The following C3orf85 variants were observed in gnomAD, a reference collection of about 807,000 sequenced individuals.
The protein encoded by C3orf85 is chromosome 3 open reading frame 85.
A neutral mutation model predicts 1.7 loss-of-function variants in C3orf85; 1 was observed. That is an observed-to-expected ratio of 0.60 (90% CI 0.21 to 2.86). The LOEUF is 2.86. Ranked by LOEUF, C3orf85 falls within the 30% of genes most tolerant of loss-of-function variation. The pLI, the probability that C3orf85 is intolerant of heterozygous loss-of-function variation, is 0.22. For synonymous variants in C3orf85, 17 were observed against 8.0 expected (o/e 2.13, Z -1.90); for missense variants, 29 against 21.3 (o/e 1.36, Z -0.72).
intron 2 of C3orf85, among the ~76,000 whole-genome samples, chr3:109,137,637 GTATATATATA>G (rs1553767249): frequency 2.1e-4 from 17 of 79,906 alleles, no homozygotes; most frequent in Admixed American, 7.3e-4. Context: ...GTGTGTGTGT[GTATATATATA>G]TATATATATA....
chr3:109,139,414 A>C lies in C3orf85; in HGVS notation c.49+2518A>C, dbSNP rs1426627983. On this transcript the variant is annotated intron_variant, in intron 2 of 3. Transcript: ENST00000622536. ...CCAATGACTTTCAGTGACAGTTCCT[A>C]GTTGTACTAATGGTGAAGAGTAGCA... Among the ~76,000 whole-genome samples the C allele has an allele frequency of 2.0e-5, 3 of 152,230 alleles. No individual in the cohort carries two copies. The East Asian group carries it at 5.8e-4, about 29-fold the overall frequency.
At chr3:109,146,891 T>C (rs1706804764) in intron 2 of C3orf85, among the ~76,000 whole-genome samples, 1 of 152,176 alleles carries the variant, frequency 6.6e-6, no homozygotes. Context: ...TTCCACAAAC[T>C]TGCTGGTTGG....
intron 2 of C3orf85, among the ~76,000 whole-genome samples, chr3:109,140,830 T>G (rs866047545): frequency 1.3e-5 from 2 of 152,336 alleles, no homozygotes; most frequent in Non-Finnish European, 2.9e-5. Flanking sequence ...AGAACAGATT[T>G]AAGTTAAACC....
intron 2 of C3orf85, among the ~76,000 whole-genome samples, chr3:109,137,637 G>GTGTGTGTATATATATATATA (rs751674362): frequency 6.9e-4 from 55 of 79,892 alleles, no homozygotes; most frequent in East Asian, 1.3e-3. Flanking sequence ...GTGTGTGTGT[G>GTGTGTGTATATATATATATA]TATATATATA....
intron 2 of C3orf85, among the ~76,000 whole-genome samples, chr3:109,144,856 C>A (rs1202513974): frequency 6.6e-6 from 1 of 151,994 alleles, no homozygotes; most frequent in African/African-American, 2.4e-5. Context: ...TTTTGCACAG[C>A]CACTAATTTT....
intron 2 of C3orf85, among the ~76,000 whole-genome samples, chr3:109,141,349 C>T (rs1706741860): frequency 6.6e-6 from 1 of 152,180 alleles, no homozygotes; most frequent in South Asian, 2.1e-4. Context: ...CAGCACCCCT[C>T]TCCATTTTTT....
intron 2 of C3orf85, among the ~76,000 whole-genome samples, chr3:109,137,633 G>A (rs1478419756): frequency 9.5e-5 from 5 of 52,458 alleles, no homozygotes; most frequent in African/African-American, 1.8e-4. Flanking sequence ...GTGTGTGTGT[G>A]TGTGTATATA....
chr3:109,137,016 C>T lies in C3orf85; in HGVS notation c.49+120C>T. 7.7e-6 allele frequency: 3 copies of T among 391,380 alleles called. No homozygotes were observed. The East Asian group carries it at 1.1e-4, about 14-fold the overall frequency. The allele number at this position is 391,380 out of a possible 1,614,324, so 24.2% of individuals were successfully genotyped here. A position where few individuals can be genotyped will look rare whatever the true frequency, so the allele number is the denominator to read the frequency against. ...TTATCCATAGGCCTATTCTATAGCA[C>T]TGGGGAAACCAAACTATTGTAGAAG... On this transcript the variant is annotated intron_variant, in intron 2 of 3. Transcript: ENST00000622536.
intron 2 of C3orf85, among the ~76,000 whole-genome samples, chr3:109,146,121 G>A (rs1202613631): frequency 6.6e-6 from 1 of 152,148 alleles, no homozygotes; most frequent in East Asian, 1.9e-4. Context: ...TTAATGGTAA[G>A]GGTTATTTGT....
intron 2 of C3orf85, among the ~76,000 whole-genome samples, chr3:109,138,940 T>G (rs551592771): frequency 6.6e-6 from 1 of 152,342 alleles, no homozygotes; most frequent in South Asian, 2.1e-4. Flanking sequence ...TTTAATTGCC[T>G]TCTTCTATAA....
intron 2 of C3orf85, among the ~76,000 whole-genome samples, chr3:109,145,098 G>A (rs887256254): frequency 2.6e-5 from 4 of 152,012 alleles, no homozygotes; most frequent in Non-Finnish European, 5.9e-5. Context: ...CCCATCCCAC[G>A]TTCACCAGAT....
rs1329297896 is a variant in C3orf85, at chr3:109,136,784, A to G, written c.-5+43A>G. ...TATACTTCTGAAAAGTACCTGATATACCCTAAGGCTTTTTCCAGCTAAATT... is the reference window on the plus strand; with the variant it reads ...TATACTTCTGAAAAGTACCTGATATGCCCTAAGGCTTTTTCCAGCTAAATT... On this transcript the variant is annotated intron_variant, in intron 1 of 3. Transcript: ENST00000622536. 10 of 402,652 alleles carry G rather than the reference A, an allele frequency of 2.5e-5. No homozygotes were observed. In the Admixed American group the frequency reaches 2.6e-4, roughly 11 times the overall value. 24.9% of individuals were successfully genotyped at this position (402,652 alleles called of 1,614,324 possible). A position where few individuals can be genotyped will look rare whatever the true frequency, so the allele number is the denominator to read the frequency against.
chr3:109,143,499 T>C (rs1706763315), intron 2 of C3orf85, among the ~76,000 whole-genome samples: 1 of 152,212 alleles, frequency 6.6e-6, no homozygotes, highest in Non-Finnish European at 1.5e-5. Context: ...TTTTAATTAT[T>C]GGGTAAGTCT....
At chr3:109,145,535 T>C (rs1000481135) in intron 2 of C3orf85, among the ~76,000 whole-genome samples, 2 of 152,150 alleles carry the variant, frequency 1.3e-5, no homozygotes, top group Non-Finnish European at 2.9e-5. Context: ...GAAATAGTCC[T>C]GGAGATGGAT....
At chr3:109,148,642 C>G (rs1400386361) in intron 3 of C3orf85, 3 of 422,644 alleles carry the variant, frequency 7.1e-6, no homozygotes, top group Middle Eastern at 6.5e-4. Context: ...TTCCTTCTCT[C>G]CCTTTTTGCA....
intron 2 of C3orf85, among the ~76,000 whole-genome samples, 174 bp downstream of exon 2, chr3:109,137,070 CTGTG>C (rs3054419): frequency 6.9e-4 from 103 of 149,860 alleles, no homozygotes; most frequent in South Asian, 6.6e-3. Context: ...TTAATGTTAA[CTGTG>C]TGTGTGTGTG....
chr3:109,141,909 A>G (rs1706746707), intron 2 of C3orf85, among the ~76,000 whole-genome samples: 1 of 152,164 alleles, frequency 6.6e-6, no homozygotes, highest in Non-Finnish European at 1.5e-5. Context: ...CATGCCTGTA[A>G]TCCCAGCTAC....
At chr3:109,139,536 G>A (rs1443601445) in intron 2 of C3orf85, among the ~76,000 whole-genome samples, 2 of 152,266 alleles carry the variant, frequency 1.3e-5, no homozygotes, top group African/African-American at 4.8e-5. Flanking sequence ...TTTTCTAAGT[G>A]AACCAACTTT....
At chr3:109,137,049 T>C (rs536134364) in intron 2 of C3orf85, among the ~76,000 whole-genome samples, 153 bp downstream of exon 2, 1 of 147,598 alleles carries the variant, frequency 6.8e-6, no homozygotes, top group Non-Finnish European at 1.5e-5. Context: ...AAGGCTGTGG[T>C]TTTGAACATG....
Sources: gnomAD v4.1 joint callset for allele counts (sites outside exome capture counted in the v4.1 genomes callset) on GRCh38, gnomAD v4.1.1 for gene constraint, MANE v1.5 for transcripts, NCBI Gene and HGNC (gene_info 2026-07-23, HGNC 2026-07-21) for gene names.